Variants in ZCCHC4 observed in about 807,000 individuals in gnomAD.
The protein encoded by ZCCHC4 is rRNA N(6)-adenosine-methyltransferase ZCCHC4.
ZCCHC4 carries 54 observed loss-of-function variants against 67.7 expected under a neutral mutation model. The observed-to-expected ratio is 0.80, with a 90% CI of 0.64 to 1.00. The LOEUF (loss-of-function observed/expected upper bound fraction) is 1.00, where lower values mean the gene tolerates loss of function less well. ZCCHC4 is among the 50% of genes least tolerant of loss of function. The pLI, the probability that ZCCHC4 is intolerant of heterozygous loss-of-function variation, is 0.00. For synonymous variants in ZCCHC4, 198 were observed against 213.5 expected (o/e 0.93, Z 0.63); for missense variants, 609 against 617.0 (o/e 0.99, Z 0.14).
At chr4:25,361,693 T>C in intron 8 of ZCCHC4, 166 bp from the exon 9 acceptor site, 1 of 638,416 alleles carries the variant, frequency 1.6e-6, no homozygotes, top group Non-Finnish European at 2.6e-6. Flanking sequence ...CCACCACTGG[T>C]CCACCCACTC....
At chr4:25,353,105 TAATA>T (rs1316134600) in intron 8 of ZCCHC4, among the ~76,000 whole-genome samples, 1 of 152,250 alleles carries the variant, frequency 6.6e-6, no homozygotes, top group South Asian at 2.1e-4. Flanking sequence ...CTTTATGCTT[TAATA>T]AATAAATTAT....
chr4:25,337,767 C>T (rs1242212354), intron 5 of ZCCHC4, among the ~76,000 whole-genome samples: 2 of 152,144 alleles, frequency 1.3e-5, no homozygotes, highest in Non-Finnish European at 2.9e-5. Flanking sequence ...GAAAATGGTA[C>T]AATGTGATCT....
chr4:25,362,200 G>A (rs1235858558), intron 9 of ZCCHC4, 26 bp from the exon 10 acceptor site: 3 of 1,582,930 alleles, frequency 1.9e-6, no homozygotes, highest in African/African-American at 2.7e-5. Context: ...AATGTATGCA[G>A]CTGATTTCTC....
At chr4:25,366,113 T>C (rs947926836) in intron 12 of ZCCHC4, 4 of 977,814 alleles carry the variant, frequency 4.1e-6, no homozygotes, top group Admixed American at 6.2e-5. Flanking sequence ...TATGGTAATA[T>C]TAGAATTCTT....
Position 25,312,942 on chromosome 4 carries a change from T to G in ZCCHC4, c.127+6T>G. On this transcript the variant is annotated splice_donor_region_variant and intron_variant, in intron 1 of 12. Coordinates refer to ENST00000302874, the MANE Select transcript of ZCCHC4 (RefSeq NM_024936.3). ...CGCCCCGCTGTGCCCTCACGGTGGG[T>G]CAGAGTCTGGGCTCAGCCTAACTGC... 1.2e-6 allele frequency: 2 copies of G among 1,611,584 alleles called. No individual in the cohort carries two copies. Among genetic ancestry groups the G allele is most frequent in the Non-Finnish European group, 1.7e-6 (2 of 1,179,838 alleles).
chr4:25,338,527 C>G (rs1362482703), intron 5 of ZCCHC4, among the ~76,000 whole-genome samples: 1 of 152,238 alleles, frequency 6.6e-6, no homozygotes, highest in African/African-American at 2.4e-5. Flanking sequence ...GAAGCACTCT[C>G]CCTGTGAGCA....
At chr4:25,322,806 C>T (rs1718653416) in intron 3 of ZCCHC4, among the ~76,000 whole-genome samples, 1 of 152,206 alleles carries the variant, frequency 6.6e-6, no homozygotes, top group Non-Finnish European at 1.5e-5. Flanking sequence ...GCATGAACCG[C>T]TGCACCTGGC....
intron 12 of ZCCHC4, chr4:25,366,311 T>C: frequency 7.3e-6 from 1 of 136,226 alleles, no homozygotes; most frequent in Non-Finnish European, 1.1e-5. Flanking sequence ...TTGAAGAATC[T>C]TTTTTTTTTT....
At chr4:25,356,272 A>G (rs1232114760) in intron 8 of ZCCHC4, among the ~76,000 whole-genome samples, 1 of 152,182 alleles carries the variant, frequency 6.6e-6, no homozygotes, top group Non-Finnish European at 1.5e-5. Context: ...TATCAGCTCT[A>G]CTACTAGTGA....
At chr4:25,354,020 C>T (rs1720415349) in intron 8 of ZCCHC4, among the ~76,000 whole-genome samples, 1 of 152,148 alleles carries the variant, frequency 6.6e-6, no homozygotes, top group African/African-American at 2.4e-5. Context: ...TTAATTCATT[C>T]ATTCCTTTTA....
chr4:25,334,031 T>A, intron 5 of ZCCHC4, 43 bp downstream of exon 5: 3 of 1,310,940 alleles, frequency 2.3e-6, no homozygotes, highest in Non-Finnish European at 3.2e-6. Context: ...TGTCTCCTGT[T>A]TCTTTTTAAT....
chr4:25,324,929 T>C (rs1029613457), intron 3 of ZCCHC4, among the ~76,000 whole-genome samples: 1 of 152,178 alleles, frequency 6.6e-6, no homozygotes, highest in Non-Finnish European at 1.5e-5. Flanking sequence ...TGGATACAAT[T>C]CCTTTACCTG....
At chr4:25,336,785 T>C (rs921298788) in intron 5 of ZCCHC4, among the ~76,000 whole-genome samples, 3 of 152,134 alleles carry the variant, frequency 2.0e-5, no homozygotes, top group African/African-American at 7.2e-5. Flanking sequence ...CTGTGCCTGG[T>C]GTAGCTGGTG....
chr4:25,321,121 ATTG>A (rs1462224530), intron 3 of ZCCHC4, among the ~76,000 whole-genome samples: 11 of 152,104 alleles, frequency 7.2e-5, no homozygotes, highest in Non-Finnish European at 1.5e-5. Flanking sequence ...GGCCTTAATT[ATTG>A]TTGTTATTCT....
intron 3 of ZCCHC4, among the ~76,000 whole-genome samples, chr4:25,329,866 A>G (rs1030175566): frequency 2.0e-5 from 3 of 152,132 alleles, no homozygotes; most frequent in Non-Finnish European, 4.4e-5. Context: ...TCTTTGCTTA[A>G]CAGGCTCATG....
In ZCCHC4 at chr4:25,369,927, G is replaced by C. The variant is rs79845341; in HGVS notation, c.*763G>C. ...TTAAACCCCACTTGAAAAGTATAGC[G>C]TACAATTATTTTTAGACTGAATTTG... On this transcript the variant is annotated 3_prime_UTR_variant, in exon 13 of 13. Transcript: ENST00000302874. 3 of 152,090 alleles carry C rather than the reference G, an allele frequency of 2.0e-5. No individual in the cohort carries two copies. Among genetic ancestry groups the C allele is most frequent in the African/African-American group, 7.2e-5 (3 of 41,410 alleles). 9.4% of individuals were successfully genotyped at this position (152,090 alleles called of 1,614,324 possible).
At chr4:25,327,418 T>C (rs2324672) in intron 3 of ZCCHC4, among the ~76,000 whole-genome samples, 64,669 of 128,722 alleles carry the variant, frequency 0.5, 16,228 homozygotes, top group Non-Finnish European at 0.59. Context: ...CCTTCCCTCC[T>C]TCCCTCCTTC....
chr4:25,313,165 G>A (rs577588577), intron 1 of ZCCHC4, among the ~76,000 whole-genome samples: 39 of 152,312 alleles, frequency 2.6e-4, no homozygotes, highest in Admixed American at 2.2e-3. Flanking sequence ...ATCTCTTTTG[G>A]GGGGAAGGGG....
At chr4:25,340,332 T>G (rs1336852173) in intron 5 of ZCCHC4, among the ~76,000 whole-genome samples, 1 of 152,246 alleles carries the variant, frequency 6.6e-6, no homozygotes, top group Non-Finnish European at 1.5e-5. Context: ...ATTTATGGAC[T>G]TTAAATTCTG....
Sources: gnomAD v4.1 joint callset for allele counts (sites outside exome capture counted in the v4.1 genomes callset) on GRCh38, gnomAD v4.1.1 for gene constraint, MANE v1.5 for transcripts, NCBI Gene and HGNC (gene_info 2026-07-23, HGNC 2026-07-21) for gene names.